Variants in PTPN9 observed in about 807,000 individuals in gnomAD.
PTPN9 encodes protein tyrosine phosphatase non-receptor type 9.
PTPN9 carries 26 observed loss-of-function variants against 69.8 expected under a neutral mutation model. That is an observed-to-expected ratio of 0.37 (90% confidence interval 0.27 to 0.52). PTPN9 has a LOEUF of 0.52. Ranked by LOEUF, PTPN9 falls within the 20% of genes least tolerant of loss-of-function variation. The probability of loss-of-function intolerance (pLI) is 0.91; values close to 1 mark genes in which losing one functional copy is unlikely to be tolerated. For missense variants in PTPN9, 549 were observed against 740.3 expected (o/e 0.74, Z 3.00); for synonymous variants, 274 against 272.5 (o/e 1.01, Z -0.05).
At chr15:75,507,158 T>C (rs1319692028) in intron 6 of PTPN9, among the ~76,000 whole-genome samples, 2 of 152,184 alleles carry the variant, frequency 1.3e-5, no homozygotes, top group African/African-American at 4.8e-5. Context: ...AGAAAAGATC[T>C]CTCCAGCTGG....
At chr15:75,521,937 C>G (rs1339246964) in intron 4 of PTPN9, among the ~76,000 whole-genome samples, 3 of 152,140 alleles carry the variant, frequency 2.0e-5, no homozygotes, top group Non-Finnish European at 4.4e-5. Context: ...AACTCCCGGG[C>G]TCAGACAATC....
At chr15:75,558,287 C>T (rs2075086203) in intron 1 of PTPN9, among the ~76,000 whole-genome samples, 2 of 151,520 alleles carry the variant, frequency 1.3e-5, no homozygotes, top group Admixed American at 6.6e-5. Flanking sequence ...GAGATTGCGC[C>T]ACTGCACTCC....
At chr15:75,544,630 G>A (rs185004256) in intron 1 of PTPN9, among the ~76,000 whole-genome samples, 4 of 152,226 alleles carry the variant, frequency 2.6e-5, no homozygotes, top group Admixed American at 1.3e-4. Context: ...CCAGAGGGAG[G>A]TAACAGAGGT....
chr15:75,503,550 G>C (rs868221720), intron 7 of PTPN9, among the ~76,000 whole-genome samples: 1 of 112,008 alleles, frequency 8.9e-6, no homozygotes, highest in Non-Finnish European at 1.9e-5. Flanking sequence ...GAGGTGGGGG[G>C]GTCAGCCCCC....
At chr15:75,552,263 G>A (rs181510589) in intron 1 of PTPN9, among the ~76,000 whole-genome samples, 5 of 150,892 alleles carry the variant, frequency 3.3e-5, no homozygotes, top group Admixed American at 6.6e-5. Context: ...GAAAATTAAC[G>A]GGGCATGGTG....
intron 1 of PTPN9, among the ~76,000 whole-genome samples, chr15:75,564,772 CACA>C (rs757554482): frequency 2.6e-4 from 40 of 151,922 alleles, no homozygotes; most frequent in Non-Finnish European, 5.3e-4. Flanking sequence ...GCCTGGGCAA[CACA>C]ACAAGACCCT....
At chr15:75,513,916 T>G (rs959373357) in intron 5 of PTPN9, among the ~76,000 whole-genome samples, 1 of 151,346 alleles carries the variant, frequency 6.6e-6, no homozygotes, top group South Asian at 2.1e-4. Flanking sequence ...CTGGCCAACA[T>G]GGCAAAACCC....
chr15:75,575,001 TGAGACAGA>T lies in PTPN9; in HGVS notation c.63+3705_63+3712del, dbSNP rs1203010480. On this transcript the variant is annotated intron_variant, in intron 1 of 12. Transcript: ENST00000618819. Reference sequence around the variant, plus strand: ...AAATATCTTTTTTTTTTTTTTTTTTTGAGACAGAGGAGACGGAGTCTCGCTCTGTCGGC... The same window carrying T: ...AAATATCTTTTTTTTTTTTTTTTTTTGGAGACGGAGTCTCGCTCTGTCGGC... Among the ~76,000 whole-genome samples the T allele has an allele frequency of 1.0e-3, 19 of 18,746 alleles. 8 individuals carry two copies. Among genetic ancestry groups the T allele is most frequent in the African/African-American group, 5.1e-3 (7 of 1,374 alleles). The allele number at this position is 18,746 out of a possible 152,430, so 12.3% of individuals were successfully genotyped here.
chr15:75,539,730 G>A (rs961004632), intron 1 of PTPN9, among the ~76,000 whole-genome samples: 8 of 151,612 alleles, frequency 5.3e-5, no homozygotes, highest in South Asian at 4.2e-4. Flanking sequence ...GGAGTGCAGC[G>A]GTGTGATCTC....
rs2074777002 is a variant in PTPN9 at position 75,502,265 on chromosome 15, C to T, written c.968+3410G>A. On this transcript the variant is annotated intron_variant, in intron 7 of 12. Coordinates refer to ENST00000618819, the MANE Select transcript of PTPN9 (RefSeq NM_002833.4). ...AGTTCAAGATCAACCTGGACAACATCGTGAAACCCTGTCTCTACTAAAAAT... is the reference window on the plus strand; with the variant it reads ...AGTTCAAGATCAACCTGGACAACATTGTGAAACCCTGTCTCTACTAAAAAT... Among the ~76,000 whole-genome samples the T allele has an allele frequency of 2.0e-5, 3 of 151,926 alleles. No homozygotes were observed. The South Asian group carries it at 6.3e-4, about 32-fold the overall frequency.
rs925206692 is a variant in PTPN9, at chr15:75,559,783, A to AAAAAAAG, written c.63+18930_63+18931insCTTTTTT. 2.5e-3 allele frequency among the ~76,000 whole-genome samples: 358 copies of AAAAAAAG among 142,550 alleles called. 8 individuals are homozygous for AAAAAAAG. The highest frequency in any genetic ancestry group is 3.9e-3 in the Non-Finnish European group (257 of 65,730). 93.5% of individuals were successfully genotyped at this position (142,550 alleles called of 152,430 possible). A position where few individuals can be genotyped will look rare whatever the true frequency, so the allele number is the denominator to read the frequency against. Reference sequence around the variant, plus strand: ...GAATGGTCAACAAAAAAAAAAAAAAAAAGAAGAAAGAAAATATTTGGGGTG... The same window carrying AAAAAAAG: ...GAATGGTCAACAAAAAAAAAAAAAAAAAAAAAGAAGAAGAAAGAAAATATTTGGGGTG... On this transcript the variant is annotated intron_variant, in intron 1 of 12. Coordinates refer to ENST00000618819, the MANE Select transcript of PTPN9 (RefSeq NM_002833.4).
At chr15:75,491,750 TCAGA>T (rs10584118) in intron 7 of PTPN9, among the ~76,000 whole-genome samples, 49,750 of 151,640 alleles carry the variant, frequency 0.33, 8,982 homozygotes, top group Middle Eastern at 0.48. Context: ...TGATGAGGTC[TCAGA>T]CAGAGATGAG....
At chr15:75,498,598 C>G (rs1439291986) in intron 7 of PTPN9, among the ~76,000 whole-genome samples, 1 of 151,940 alleles carries the variant, frequency 6.6e-6, no homozygotes, top group East Asian at 1.9e-4. Context: ...GCCTGTAATC[C>G]CAGCTACTTG....
At chr15:75,482,653 G>A (rs1352698598) in intron 8 of PTPN9, among the ~76,000 whole-genome samples, 1 of 151,080 alleles carries the variant, frequency 6.6e-6, no homozygotes, top group Non-Finnish European at 1.5e-5. Context: ...AAGGCCGCAG[G>A]GTCCTCTGCC....
intron 1 of PTPN9, among the ~76,000 whole-genome samples, chr15:75,548,621 T>C (rs1312228392): frequency 6.6e-6 from 1 of 151,588 alleles, no homozygotes; most frequent in Non-Finnish European, 1.5e-5. Flanking sequence ...TTAATTTTTG[T>C]TTTTGTTTTT....
intron 1 of PTPN9, among the ~76,000 whole-genome samples, chr15:75,536,380 C>T (rs2074982411): frequency 6.6e-6 from 1 of 152,126 alleles, no homozygotes; most frequent in Non-Finnish European, 1.5e-5. Context: ...ACTATGGAGA[C>T]AGATGTATAA....
intron 1 of PTPN9, among the ~76,000 whole-genome samples, chr15:75,537,852 C>T (rs919003620): frequency 6.7e-6 from 1 of 150,108 alleles, no homozygotes; most frequent in South Asian, 2.1e-4. Context: ...TGAGGTCAGG[C>T]GTTCAAGACC....
intron 7 of PTPN9, among the ~76,000 whole-genome samples, chr15:75,501,156 C>A (rs1159795152): frequency 6.6e-6 from 1 of 152,068 alleles, no homozygotes; most frequent in African/African-American, 2.4e-5. Context: ...TCCCTCTTTG[C>A]TTTGCTAAAA....
intron 1 of PTPN9, among the ~76,000 whole-genome samples, chr15:75,549,608 A>G (rs1440527025): frequency 6.6e-6 from 1 of 152,200 alleles, no homozygotes; most frequent in African/African-American, 2.4e-5. Context: ...AAAAAACAGA[A>G]GGCATAGTTA....
Sources: gnomAD v4.1 joint callset for allele counts (sites outside exome capture counted in the v4.1 genomes callset) on GRCh38, gnomAD v4.1.1 for gene constraint, MANE v1.5 for transcripts, NCBI Gene and HGNC (gene_info 2026-07-23, HGNC 2026-07-21) for gene names.